Variants in THSD7A observed in about 807,000 individuals in gnomAD.
THSD7A encodes thrombospondin type 1 domain containing 7A.
THSD7A carries 96 observed loss-of-function variants against 231.3 expected under a neutral mutation model. That is an observed-to-expected ratio of 0.41 (90% confidence interval 0.35 to 0.49). THSD7A has a LOEUF of 0.49. Ranked by LOEUF, THSD7A falls within the 20% of genes least tolerant of loss-of-function variation. The pLI is 0.05. For missense variants in THSD7A, 2,290 were observed against 2,070.2 expected (o/e 1.11, Z -2.06); for synonymous variants, 940 against 743.3 (o/e 1.26, Z -4.30).
chr7:11,809,443 A>T (rs987612339), intron 1 of THSD7A, among the ~76,000 whole-genome samples: 7 of 152,124 alleles, frequency 4.6e-5, no homozygotes, highest in Non-Finnish European at 1.5e-5. Context: ...TTCAAAGATG[A>T]TATTACATTT....
chr7:11,829,024 C>T (rs912863641), intron 1 of THSD7A, among the ~76,000 whole-genome samples: 4 of 151,956 alleles, frequency 2.6e-5, no homozygotes, highest in African/African-American at 7.2e-5. Flanking sequence ...GTCTCTTCCT[C>T]GTGATTTTCC....
intron 4 of THSD7A, among the ~76,000 whole-genome samples, chr7:11,576,535 G>C (rs1437338334): frequency 6.6e-6 from 1 of 152,172 alleles, no homozygotes; most frequent in African/African-American, 2.4e-5. Flanking sequence ...ATTTGATTCT[G>C]ATAATGTCAA....
chr7:11,388,463 C>T (rs1043035596), intron 23 of THSD7A, among the ~76,000 whole-genome samples: 3 of 152,078 alleles, frequency 2.0e-5, no homozygotes, highest in African/African-American at 7.2e-5. Flanking sequence ...TCTAGATTTC[C>T]TATTTTATTT....
intron 6 of THSD7A, among the ~76,000 whole-genome samples, chr7:11,483,762 G>A (rs1488634174): frequency 2.0e-5 from 3 of 152,068 alleles, no homozygotes; most frequent in Non-Finnish European, 2.9e-5. Flanking sequence ...AATATTCTGT[G>A]GAAAGCAAGA....
intron 6 of THSD7A, among the ~76,000 whole-genome samples, chr7:11,505,581 A>G (rs936865527): frequency 5.9e-5 from 9 of 152,332 alleles, no homozygotes; most frequent in South Asian, 4.1e-4. Flanking sequence ...CATTTTGAAT[A>G]TAACTTAAGG....
intron 6 of THSD7A, among the ~76,000 whole-genome samples, chr7:11,498,925 C>G (rs562763545): frequency 6.6e-6 from 1 of 152,292 alleles, no homozygotes; most frequent in South Asian, 2.1e-4. Flanking sequence ...GGTTCCCGTT[C>G]TCATATCTCC....
chr7:11,401,864 C>T lies in THSD7A; in HGVS notation c.4342G>A (p.Val1448Met), dbSNP rs774714871. 1.3e-5 allele frequency: 21 copies of T among 1,613,770 alleles called. No individual in the cohort carries two copies. The highest frequency in any genetic ancestry group is 3.3e-5 in the South Asian group (3 of 91,084). ...TGATTCTCTAGTTCTTGTATAATCA[C>T]CGGTCTGGATCTGACCTGTATTCCA... ...FGGIQVRSRP[V>M]IIQELENQHL... Residue 1448 changes from valine to methionine, a missense_variant, in exon 23 of 28, where the codon GTG becomes ATG. Val to Met is a conservative substitution (Grantham distance 21). Transcript: ENST00000423059.
chr7:11,755,420 G>C (rs899113976), intron 1 of THSD7A, among the ~76,000 whole-genome samples: 2 of 152,226 alleles, frequency 1.3e-5, no homozygotes, highest in Non-Finnish European at 1.5e-5. Context: ...AGTTGTCCTA[G>C]TTAAAGTCCT....
intron 6 of THSD7A, among the ~76,000 whole-genome samples, chr7:11,495,880 G>GA (rs566121888): frequency 1.7e-3 from 253 of 152,194 alleles, no homozygotes; most frequent in Admixed American, 3.6e-3. Context: ...ACACAGAATC[G>GA]AAATAACAGG....
At chr7:11,530,804 A>C (rs1334296249) in intron 6 of THSD7A, among the ~76,000 whole-genome samples, 1 of 152,124 alleles carries the variant, frequency 6.6e-6, no homozygotes, top group Non-Finnish European at 1.5e-5. Context: ...TGAGGTCAGG[A>C]GTTTGAGACC....
chr7:11,690,146 A>G (rs184575242), intron 1 of THSD7A, among the ~76,000 whole-genome samples: 49 of 151,948 alleles, frequency 3.2e-4, no homozygotes, highest in Non-Finnish European at 1.2e-4. Context: ...ACAGACTACT[A>G]TATATCTTTC....
chr7:11,445,944 G>C, intron 13 of THSD7A, 117 bp downstream of exon 13: 1 of 1,252,818 alleles, frequency 8.0e-7, no homozygotes, highest in Non-Finnish European at 1.1e-6. Context: ...TGGTGCTTCA[G>C]AGTTTAATTT....
rs1583320818 is a variant in THSD7A at position 11,824,904 on chromosome 7, A to C, written c.190+6853T>G. On this transcript the variant is annotated intron_variant, in intron 1 of 27. Coordinates refer to ENST00000423059, the MANE Select transcript of THSD7A (RefSeq NM_015204.3). ...TCAAATTTTTGAGAAATACCCTGAG[A>C]TACAATAATAAAATGAAGTATAAAA... Among the ~76,000 whole-genome samples, 13 of 152,294 alleles carry C rather than the reference A, an allele frequency of 8.5e-5. No individual in the cohort carries two copies. The South Asian group carries it at 2.3e-3, about 27-fold the overall frequency.
At chr7:11,468,829 C>G (rs1785817160) in intron 9 of THSD7A, among the ~76,000 whole-genome samples, 1 of 151,732 alleles carries the variant, frequency 6.6e-6, no homozygotes, top group African/African-American at 2.4e-5. Flanking sequence ...GTGAGAGACT[C>G]TATCTTAAAA....
intron 4 of THSD7A, among the ~76,000 whole-genome samples, chr7:11,548,257 T>C (rs896678767): frequency 3.9e-5 from 6 of 151,934 alleles, no homozygotes; most frequent in Non-Finnish European, 7.4e-5. Flanking sequence ...AGAAAACTTA[T>C]AAGAAATGGA....
At chr7:11,566,577 C>A (rs1352876106) in intron 4 of THSD7A, among the ~76,000 whole-genome samples, 1 of 152,142 alleles carries the variant, frequency 6.6e-6, no homozygotes, top group Admixed American at 6.5e-5. Flanking sequence ...CATGTACATT[C>A]CAGAACAGAG....
At chr7:11,621,884 T>C (rs76604841) in intron 2 of THSD7A, among the ~76,000 whole-genome samples, 2,853 of 152,256 alleles carry the variant, frequency 0.019, 40 homozygotes, top group Non-Finnish European at 0.028. Flanking sequence ...TCAGATTTGT[T>C]GAATGTCACA....
At chr7:11,769,153 A>ATATTTTTTTTTTTTTTTTTTTTT in intron 1 of THSD7A, among the ~76,000 whole-genome samples, 3 of 27,656 alleles carry the variant, frequency 1.1e-4, no homozygotes, top group Non-Finnish European at 2.1e-4. Context: ...ATATATATAT[A>ATATTTTTTTTTTTTTTTTTTTTT]TTTTTTTTTT....
chr7:11,730,570 G>C (rs1282093076), intron 1 of THSD7A, among the ~76,000 whole-genome samples: 1 of 151,282 alleles, frequency 6.6e-6, no homozygotes, highest in African/African-American at 2.4e-5. Flanking sequence ...CTTTATCTTT[G>C]GTTGAAAATA....
Sources: allele counts gnomAD v4.1 joint callset (sites outside exome capture counted in the v4.1 genomes callset), GRCh38; gene constraint gnomAD v4.1.1; transcripts MANE v1.5; gene names NCBI Gene and HGNC (gene_info 2026-07-23, HGNC 2026-07-21).